The following SLC8A1 variants were observed in gnomAD, a reference collection of about 807,000 sequenced individuals.
SLC8A1 encodes solute carrier family 8 member A1, also known as sodium/calcium exchanger 1.
SLC8A1 carries 18 observed loss-of-function variants against 68.3 expected under a neutral mutation model. That is an observed-to-expected ratio of 0.26 (90% CI 0.18 to 0.39). The LOEUF (loss-of-function observed/expected upper bound fraction) is 0.39, where lower values mean the gene tolerates loss of function less well. Among genes scored for constraint, SLC8A1 ranks in the 10% least tolerant of loss-of-function variants. The probability of loss-of-function intolerance (pLI) is 1.00; values close to 1 mark genes in which losing one functional copy is unlikely to be tolerated. For missense variants in SLC8A1, 985 were observed against 1,156.7 expected (o/e 0.85, Z 2.15); for synonymous variants, 475 against 415.5 (o/e 1.14, Z -1.74).
chr2:40,238,494 G>A (rs1427349925), intron 2 of SLC8A1, among the ~76,000 whole-genome samples: 10 of 152,138 alleles, frequency 6.6e-5, no homozygotes, highest in South Asian at 6.2e-4. Context: ...ACTGACCTGT[G>A]CCCACTGTCT....
At chr2:40,301,850 C>G (rs1167626053) in intron 2 of SLC8A1, among the ~76,000 whole-genome samples, 1 of 152,130 alleles carries the variant, frequency 6.6e-6, no homozygotes, top group African/African-American at 2.4e-5. Flanking sequence ...ATCACCCAAG[C>G]AGTATATATA....
chr2:40,178,710 G>A (rs2048918042), intron 2 of SLC8A1, among the ~76,000 whole-genome samples: 1 of 152,154 alleles, frequency 6.6e-6, no homozygotes, highest in African/African-American at 2.4e-5. Flanking sequence ...CAGGGCCACA[G>A]AATTATTTTA....
intron 1 of SLC8A1, among the ~76,000 whole-genome samples, chr2:40,472,609 C>A (rs927043890): frequency 6.6e-6 from 1 of 152,076 alleles, no homozygotes; most frequent in Non-Finnish European, 1.5e-5. Context: ...TTGAAGTAGT[C>A]CTTTTGCTTT....
chr2:40,173,123 A>G (rs543027416), intron 4 of SLC8A1, among the ~76,000 whole-genome samples: 1 of 152,190 alleles, frequency 6.6e-6, no homozygotes, highest in Non-Finnish European at 1.5e-5. Flanking sequence ...TGGTTGACTT[A>G]AAAACATTAT....
Position 40,257,213 on chromosome 2 carries a change from G to A in SLC8A1, c.1809-79358C>T, listed in dbSNP as rs960683228. On this transcript the variant is annotated intron_variant, in intron 2 of 7. Transcript: ENST00000406785. ...TCAGATCTTAGCTCATTGGAAAAAA[G>A]TAAAGATAAAAAATAAATAAATAAA... Among the ~76,000 whole-genome samples the A allele has an allele frequency of 2.0e-5, 3 of 152,130 alleles. No individual in the cohort carries two copies. The South Asian group carries it at 6.2e-4, about 32-fold the overall frequency.
chr2:40,418,881 CA>C (rs547158916), intron 2 of SLC8A1, among the ~76,000 whole-genome samples: 1 of 152,052 alleles, frequency 6.6e-6, no homozygotes, highest in Non-Finnish European at 1.5e-5. Flanking sequence ...AAAGCAGGCA[CA>C]GGGGGTAGGT....
chr2:40,452,875 G>T (rs6758867), upstream of SLC8A1, among the ~76,000 whole-genome samples: 1 of 151,794 alleles, frequency 6.6e-6, no homozygotes, highest in African/African-American at 2.4e-5. Context: ...CGTGTGAAAG[G>T]CGTGCTGGTT....
chr2:40,141,476 A>T (rs924553887), intron 6 of SLC8A1, among the ~76,000 whole-genome samples: 1 of 152,168 alleles, frequency 6.6e-6, no homozygotes, highest in Non-Finnish European at 1.5e-5. Context: ...GAGGCTTTGG[A>T]TAAACTGCTG....
intron 2 of SLC8A1, among the ~76,000 whole-genome samples, chr2:40,351,823 C>A (rs1201791350): frequency 6.6e-6 from 1 of 152,064 alleles, no homozygotes; most frequent in Non-Finnish European, 1.5e-5. Context: ...AAGATTCAAA[C>A]CAACAAATTG....
intron 1 of SLC8A1, among the ~76,000 whole-genome samples, chr2:40,470,117 T>C (rs1450694504): frequency 6.6e-6 from 1 of 152,164 alleles, no homozygotes; most frequent in Non-Finnish European, 1.5e-5. Context: ...TTTTTCTGCA[T>C]ACTCTTCTTA....
At chr2:40,266,928 G>C (rs1411868386) in intron 2 of SLC8A1, among the ~76,000 whole-genome samples, 1 of 152,162 alleles carries the variant, frequency 6.6e-6, no homozygotes, top group Non-Finnish European at 1.5e-5. Flanking sequence ...GAAACATCTT[G>C]TCAATACAGG....
At chr2:40,237,581 G>A (rs1427487077) in intron 2 of SLC8A1, among the ~76,000 whole-genome samples, 8 of 151,408 alleles carry the variant, frequency 5.3e-5, no homozygotes, top group Middle Eastern at 3.4e-3. Context: ...TAATTTGATC[G>A]TCTGAAGCCT....
intron 2 of SLC8A1, among the ~76,000 whole-genome samples, chr2:40,262,192 A>C (rs1348502810): frequency 6.6e-6 from 1 of 152,098 alleles, no homozygotes. Flanking sequence ...CGATCTCCTG[A>C]CCTTGTGATC....
rs370223854 is a variant in SLC8A1, at chr2:40,462,001, C to CTTTTTTTTTTTTTTTT, written c.-24-31713_-24-31698dup. On this transcript the variant is annotated intron_variant, in intron 1 of 7. Transcript: ENST00000402441. ...CCTCTCATTTTAAAGTAAAATCCTC[C>CTTTTTTTTTTTTTTTT]TTTTTTTTTTTTTTTTTTTTTTTGA... Among the ~76,000 whole-genome samples the CTTTTTTTTTTTTTTTT allele has an allele frequency of 2.9e-3, 190 of 66,136 alleles. 25 individuals are homozygous for CTTTTTTTTTTTTTTTT. Among genetic ancestry groups the CTTTTTTTTTTTTTTTT allele is most frequent in the Non-Finnish European group, 4.0e-3 (140 of 34,974 alleles). 43.4% of individuals were successfully genotyped at this position (66,136 alleles called of 152,430 possible).
rs889348313 is a variant in SLC8A1, at chr2:40,487,944, C to T, written c.-25+24405G>A. 7.9e-5 allele frequency among the ~76,000 whole-genome samples: 12 copies of T among 152,156 alleles called. No individual in the cohort carries two copies. In the South Asian group the frequency reaches 1.0e-3, roughly 13 times the overall value. ...TCTCTGATACCACTTCATGGAAAAA[C>T]GATACTACCAGCCACAGGGAAAGAG... On this transcript the variant is annotated intron_variant, in intron 1 of 7. Coordinates refer to the SLC8A1 transcript ENST00000402441.
At chr2:40,368,726 T>C (rs1292088419) in intron 2 of SLC8A1, among the ~76,000 whole-genome samples, 1 of 151,998 alleles carries the variant, frequency 6.6e-6, no homozygotes, top group Non-Finnish European at 1.5e-5. Context: ...CATTTTTTTC[T>C]GATCCTCTCT....
At chr2:40,425,337 C>T (rs1696574741) in intron 2 of SLC8A1, among the ~76,000 whole-genome samples, 3 of 151,748 alleles carry the variant, frequency 2.0e-5, no homozygotes, top group African/African-American at 7.2e-5. Flanking sequence ...ACTATTTCTA[C>T]ACTAAAAATA....
chr2:40,118,372 G>A (rs1038622746), intron 7 of SLC8A1: 1 of 152,134 alleles, frequency 6.6e-6, no homozygotes, highest in Non-Finnish European at 1.5e-5. Flanking sequence ...CTTACCAAAT[G>A]CTCTTTACTG....
chr2:40,314,059 A>C (rs1186682679), intron 2 of SLC8A1, among the ~76,000 whole-genome samples: 1 of 152,058 alleles, frequency 6.6e-6, no homozygotes, highest in Non-Finnish European at 1.5e-5. Flanking sequence ...GTTTTGGATA[A>C]AGAATCTAGG....
Sources: allele counts gnomAD v4.1 joint callset (sites outside exome capture counted in the v4.1 genomes callset), GRCh38; gene constraint gnomAD v4.1.1; transcripts MANE v1.5; gene names NCBI Gene and HGNC (gene_info 2026-07-23, HGNC 2026-07-21).